The following LRRN1 variants were observed in gnomAD, a reference collection of about 807,000 sequenced individuals.
The protein encoded by LRRN1 is leucine-rich repeat neuronal protein 1.
Under a neutral mutation model 45.8 loss-of-function variants are expected in LRRN1, and 14 were observed. The observed-to-expected ratio is 0.31, with a 90% CI of 0.20 to 0.48. The LOEUF (loss-of-function observed/expected upper bound fraction) is 0.48. Ranked by LOEUF, LRRN1 falls within the 20% of genes least tolerant of loss-of-function variation. LRRN1 has a pLI of 0.99. For synonymous variants in LRRN1, 359 were observed against 330.1 expected (o/e 1.09, Z -0.95); for missense variants, 789 against 874.2 (o/e 0.90, Z 1.23).
chr3:3,832,372 T>C lies in LRRN1; in HGVS notation c.-278-11992T>C, dbSNP rs145704755. ...CTGCCAAGTATGTCTATGCCAATTA[T>C]GCATTCTGGCATTGGGGAAATGACC... is the stretch of plus-strand genomic sequence containing the variant. On this transcript the variant is annotated intron_variant, in intron 1 of 1. Coordinates refer to ENST00000319331, the MANE Select transcript of LRRN1 (RefSeq NM_020873.7). Among the ~76,000 whole-genome samples, 356 of 152,320 alleles carry C rather than the reference T, an allele frequency of 2.3e-3. 4 individuals are homozygous for C. Among genetic ancestry groups the C allele is most frequent in the African/African-American group, 7.9e-3 (328 of 41,570 alleles).
intron 1 of LRRN1, among the ~76,000 whole-genome samples, chr3:3,843,990 G>C (rs1336002384): frequency 6.6e-6 from 1 of 152,128 alleles, no homozygotes; most frequent in South Asian, 2.1e-4. Context: ...TTAAAGAAAA[G>C]ACATCTGCAG....
intron 1 of LRRN1, among the ~76,000 whole-genome samples, chr3:3,832,173 C>T (rs998789989): frequency 2.6e-5 from 4 of 152,208 alleles, no homozygotes; most frequent in African/African-American, 9.7e-5. Context: ...GGAATCACTA[C>T]CCCTCCGTCT....
At chr3:3,839,915 T>G (rs550249654) in intron 1 of LRRN1, among the ~76,000 whole-genome samples, 1 of 152,236 alleles carries the variant, frequency 6.6e-6, no homozygotes, top group South Asian at 2.1e-4. Flanking sequence ...TATGAGATTA[T>G]GTAATCTGGG....
chr3:3,835,584 A>AAT, intron 1 of LRRN1, among the ~76,000 whole-genome samples: 1 of 135,258 alleles, frequency 7.4e-6, no homozygotes, highest in Admixed American at 7.5e-5. Context: ...GAGCTGCCTG[A>AAT]TTTTTTTTTT....
intron 1 of LRRN1, among the ~76,000 whole-genome samples, chr3:3,840,196 A>C (rs1693618208): frequency 6.6e-6 from 1 of 152,078 alleles, no homozygotes; most frequent in Admixed American, 6.6e-5. Flanking sequence ...AAAGTGTTGA[A>C]TTTTGTCAGA....
chr3:3,800,416 A>T (rs892830368), intron 1 of LRRN1, among the ~76,000 whole-genome samples: 6 of 152,150 alleles, frequency 3.9e-5, no homozygotes, highest in South Asian at 2.1e-4. Context: ...GAGAGGAAAG[A>T]AAAAGGGTGT....
intron 1 of LRRN1, among the ~76,000 whole-genome samples, chr3:3,815,523 G>A (rs1459310530): frequency 6.6e-6 from 1 of 152,140 alleles, no homozygotes; most frequent in East Asian, 1.9e-4. Context: ...TTTGGTGAGT[G>A]CCAACATAGG....
chr3:3,803,175 T>C (rs751898747), intron 1 of LRRN1, among the ~76,000 whole-genome samples: 8 of 152,202 alleles, frequency 5.3e-5, no homozygotes, highest in African/African-American at 9.6e-5. Flanking sequence ...CTTCTTGATC[T>C]AAACTGCTAG....
chr3:3,834,534 A>ATATATATATAT (rs1267189679), intron 1 of LRRN1, among the ~76,000 whole-genome samples: 1 of 105,760 alleles, frequency 9.5e-6, no homozygotes, highest in African/African-American at 3.6e-5. Context: ...GGATATATAT[A>ATATATATATAT]TATATATATA....
chr3:3,825,722 G>A (rs1693201419), intron 1 of LRRN1, among the ~76,000 whole-genome samples: 1 of 152,090 alleles, frequency 6.6e-6, no homozygotes, highest in Middle Eastern at 3.2e-3. Flanking sequence ...TTTAAAGTAG[G>A]TCTTCTGAAA....
intron 1 of LRRN1, among the ~76,000 whole-genome samples, chr3:3,806,916 G>A (rs1692773521): frequency 1.3e-5 from 2 of 152,192 alleles, no homozygotes; most frequent in South Asian, 4.2e-4. Flanking sequence ...ATTTGTCTAG[G>A]GTCACCCATC....
intron 1 of LRRN1, among the ~76,000 whole-genome samples, chr3:3,833,531 C>G (rs773097717): frequency 6.6e-6 from 1 of 152,176 alleles, no homozygotes; most frequent in Non-Finnish European, 1.5e-5. Context: ...TTAGAGAATT[C>G]AAACAGTTCT....
At chr3:3,815,254 T>C (rs1267015020) in intron 1 of LRRN1, among the ~76,000 whole-genome samples, 1 of 152,192 alleles carries the variant, frequency 6.6e-6, no homozygotes, top group Non-Finnish European at 1.5e-5. Context: ...TAAGCCCTCC[T>C]TTTTGTGACC....
chr3:3,846,816 T>C lies in LRRN1; in HGVS notation c.*24T>C, dbSNP rs1693789981. 5.8e-6 allele frequency: 9 copies of C among 1,546,642 alleles called. No individual in the cohort carries two copies. The highest frequency in any genetic ancestry group is 1.4e-5 in the African/African-American group (1 of 71,912). On this transcript the variant is annotated 3_prime_UTR_variant, in exon 2 of 2. Transcript: ENST00000319331. The surrounding 1 kb of genome is among the most constrained non-coding windows in gnomAD (Gnocchi z 5.7). The stretch of plus-strand genomic sequence containing the variant: ...AACTCAGAGGATATTTTGCTTCTGG[T>C]AGTAAGGAGCACAAAGACGTTTTTG...
intron 1 of LRRN1, among the ~76,000 whole-genome samples, chr3:3,827,021 C>T (rs1207753803): frequency 6.6e-6 from 1 of 152,150 alleles, no homozygotes; most frequent in Admixed American, 6.6e-5. Context: ...TTACTTTCAT[C>T]TTCAACACCC....
At chr3:3,811,980 A>T (rs1396627962) in intron 1 of LRRN1, among the ~76,000 whole-genome samples, 1 of 152,194 alleles carries the variant, frequency 6.6e-6, no homozygotes, top group Non-Finnish European at 1.5e-5. Context: ...CAATTTATTG[A>T]CCGCAAACTC....
intron 1 of LRRN1, among the ~76,000 whole-genome samples, chr3:3,829,896 G>A (rs1218779020): frequency 1.3e-5 from 2 of 152,174 alleles, no homozygotes; most frequent in African/African-American, 4.8e-5. Context: ...GATGGAAGAG[G>A]TCCAATATAA....
intron 1 of LRRN1, among the ~76,000 whole-genome samples, chr3:3,825,033 G>A (rs1174303915): frequency 3.9e-5 from 6 of 152,214 alleles, no homozygotes; most frequent in Admixed American, 6.5e-5. Flanking sequence ...TGAGGTCGAC[G>A]TTATTCCCTA....
chr3:3,829,290 G>C (rs1445747571), intron 1 of LRRN1, among the ~76,000 whole-genome samples: 1 of 152,096 alleles, frequency 6.6e-6, no homozygotes, highest in Non-Finnish European at 1.5e-5. Context: ...AAGTGTCCAG[G>C]TGGCAATCTT....
Sources: allele counts gnomAD v4.1 joint callset (sites outside exome capture counted in the v4.1 genomes callset), GRCh38; gene constraint gnomAD v4.1.1; non-coding constraint Gnocchi (gnomAD v3.1); transcripts MANE v1.5; gene names NCBI Gene and HGNC (gene_info 2026-07-23, HGNC 2026-07-21).